Variants in TPX2 observed in about 807,000 individuals in gnomAD.
TPX2 encodes targeting protein for Xklp2.
A neutral mutation model predicts 93.6 loss-of-function variants in TPX2; 21 were observed. The ratio of observed to expected loss-of-function variants is 0.22; its 90% CI spans 0.16 to 0.32. The LOEUF is 0.32. Ranked by LOEUF, TPX2 falls within the 10% of genes least tolerant of loss-of-function variation. The probability of loss-of-function intolerance (pLI) is 1.00; values close to 1 mark genes in which losing one functional copy is unlikely to be tolerated. For missense variants in TPX2, 776 were observed against 871.1 expected (o/e 0.89, Z 1.37); for synonymous variants, 281 against 298.3 (o/e 0.94, Z 0.60).
rs1381552716 is a variant in TPX2 at position 31,801,089 on chromosome 20, G to A, written c.*9G>A. On this transcript the variant is annotated 3_prime_UTR_variant, in exon 18 of 18. Transcript: ENST00000300403. ...CTCGATTCCACTGCTAAACTCAGCT[G>A]TGAGCTGCGGATACCGCCCGGCAAT... 4 of 1,613,030 alleles carry A rather than the reference G, an allele frequency of 2.5e-6. No homozygotes were observed. The highest frequency in any genetic ancestry group is 3.4e-6 in the Non-Finnish European group (4 of 1,179,030).
chr20:31,798,627 G>A, intron 17 of TPX2, 75 bp downstream of exon 17: 1 of 1,462,094 alleles, frequency 6.8e-7, no homozygotes, highest in South Asian at 1.4e-5. Flanking sequence ...CCTTGTACCA[G>A]ACAGGATCTA....
At chr20:31,794,103 A>G in intron 14 of TPX2, 79 bp downstream of exon 14, 1 of 1,403,636 alleles carries the variant, frequency 7.1e-7, no homozygotes, top group South Asian at 1.5e-5. Context: ...AGCACTTTTA[A>G]CTATAAAATC....
Position 31,757,410 on chromosome 20 carries a change from G to A in TPX2, c.-67G>A. The A allele has an allele frequency of 7.8e-7, 1 of 1,285,406 alleles. No homozygotes were observed. Among genetic ancestry groups the A allele is most frequent in the South Asian group, 1.3e-5 (1 of 79,850 alleles). The allele number at this position is 1,285,406 out of a possible 1,614,324, so 79.6% of individuals were successfully genotyped here. The stretch of plus-strand genomic sequence containing the variant: ...GTGCAACCATTTCTTTCCTCAGAAG[G>A]TGACCTGCTGAGAAAAGTGGTACAA... On this transcript the variant is annotated 5_prime_UTR_variant, in exon 3 of 18. The change creates a new upstream start codon in the 5' untranslated region. Transcript: ENST00000300403.
chr20:31,763,791 G>A (rs1368546266), intron 4 of TPX2, among the ~76,000 whole-genome samples: 4 of 149,316 alleles, frequency 2.7e-5, no homozygotes, highest in Admixed American at 6.7e-5. Context: ...AGGCTGAGGT[G>A]GGCGGATCAC....
At chr20:31,792,973 C>A in intron 13 of TPX2, 143 bp downstream of exon 13, 1 of 720,466 alleles carries the variant, frequency 1.4e-6, no homozygotes, top group East Asian at 2.6e-5. Flanking sequence ...AACATTTGTT[C>A]ATTTTTTTTG....
At chr20:31,772,522 A>G (rs2061970638) in intron 7 of TPX2, among the ~76,000 whole-genome samples, 1 of 152,196 alleles carries the variant, frequency 6.6e-6, no homozygotes. Context: ...AAAGAAATAT[A>G]AAAGGAAAAA....
intron 5 of TPX2, 139 bp from the exon 6 acceptor site, chr20:31,770,204 A>C (rs2061956405): frequency 2.1e-6 from 1 of 478,488 alleles, no homozygotes; most frequent in Non-Finnish European, 3.3e-6. Flanking sequence ...AACAAGAGAG[A>C]TTAGATTTTT....
intron 2 of TPX2, among the ~76,000 whole-genome samples, chr20:31,751,187 T>C (rs2061817553): frequency 6.6e-6 from 1 of 152,102 alleles, no homozygotes; most frequent in Admixed American, 6.5e-5. Context: ...AAAAAGGATG[T>C]GAAGGGTTAA....
intron 2 of TPX2, among the ~76,000 whole-genome samples, chr20:31,750,240 C>T (rs2061810494): frequency 6.6e-6 from 1 of 152,040 alleles, no homozygotes; most frequent in African/African-American, 2.4e-5. Context: ...TCACTGCAAC[C>T]TCCACCCCCC....
chr20:31,744,861 C>T (rs2061774628), intron 2 of TPX2, among the ~76,000 whole-genome samples: 1 of 152,120 alleles, frequency 6.6e-6, no homozygotes, highest in African/African-American at 2.4e-5. Context: ...CTGAGGCGGG[C>T]AGATCACCTG....
At chr20:31,778,561 G>T (rs2062015879) in intron 9 of TPX2, among the ~76,000 whole-genome samples, 2 of 152,060 alleles carry the variant, frequency 1.3e-5, no homozygotes, top group African/African-American at 2.4e-5. Context: ...TGACATGGTT[G>T]GGGGGAAATT....
At chr20:31,747,203 C>T (rs2061788700) in intron 2 of TPX2, among the ~76,000 whole-genome samples, 1 of 152,196 alleles carries the variant, frequency 6.6e-6, no homozygotes, top group South Asian at 2.1e-4. Context: ...TCACTGCAGC[C>T]TCCACCTCCT....
At chr20:31,798,023 C>A (rs2062148660) in intron 16 of TPX2, among the ~76,000 whole-genome samples, 1 of 152,046 alleles carries the variant, frequency 6.6e-6, no homozygotes, top group African/African-American at 2.4e-5. Context: ...ATAGCAAGAC[C>A]CCATCTCTTT....
At chr20:31,759,122 G>A (rs2061871025) in intron 3 of TPX2, among the ~76,000 whole-genome samples, 1 of 151,816 alleles carries the variant, frequency 6.6e-6, no homozygotes, top group African/African-American at 2.4e-5. Flanking sequence ...CTACACAGTT[G>A]CAATCAGAAT....
intron 6 of TPX2, among the ~76,000 whole-genome samples, chr20:31,771,249 A>G (rs1036110606): frequency 2.6e-5 from 4 of 152,124 alleles, no homozygotes; most frequent in Non-Finnish European, 5.9e-5. Flanking sequence ...AAGAGACAGA[A>G]TAGATATTGG....
At chr20:31,748,811 T>C (rs2061800224) in intron 2 of TPX2, among the ~76,000 whole-genome samples, 1 of 152,206 alleles carries the variant, frequency 6.6e-6, no homozygotes. Flanking sequence ...CTATCTATTG[T>C]CTATATTGTT....
chr20:31,757,702 A>C (rs2061860711), intron 3 of TPX2, 120 bp downstream of exon 3: 2 of 702,236 alleles, frequency 2.8e-6, no homozygotes, highest in South Asian at 3.7e-5. Flanking sequence ...TTCTGCACCA[A>C]GACATTCTGT....
At chr20:31,790,514 T>C (rs1322276611) in intron 12 of TPX2, among the ~76,000 whole-genome samples, 1 of 152,230 alleles carries the variant, frequency 6.6e-6, no homozygotes, top group Non-Finnish European at 1.5e-5. Flanking sequence ...GTGTAAACTA[T>C]TTGTTAAATG....
intron 1 of TPX2, among the ~76,000 whole-genome samples, chr20:31,741,137 CT>C (rs1281621654): frequency 6.6e-6 from 1 of 152,148 alleles, no homozygotes; most frequent in East Asian, 1.9e-4. Flanking sequence ...CAGGGCTCAT[CT>C]ACATCTCCTG....
Sources: allele counts gnomAD v4.1 joint callset (sites outside exome capture counted in the v4.1 genomes callset), GRCh38; gene constraint gnomAD v4.1.1; transcripts MANE v1.5; gene names NCBI Gene and HGNC (gene_info 2026-07-23, HGNC 2026-07-21).